Variants in ERMP1 observed in about 807,000 individuals in gnomAD.
ERMP1 encodes Felix-ina.
Under a neutral mutation model 92.0 loss-of-function variants are expected in ERMP1, and 86 were observed. The observed-to-expected ratio is 0.93, with a 90% CI of 0.79 to 1.12. The LOEUF (loss-of-function observed/expected upper bound fraction) is 1.12, where lower values mean the gene tolerates loss of function less well. Ranked by LOEUF, ERMP1 falls within the 50% of genes most tolerant of loss-of-function variation. The pLI, the probability that ERMP1 is intolerant of heterozygous loss-of-function variation, is 0.00. For missense variants in ERMP1, 1,342 were observed against 1,116.3 expected, an observed-to-expected ratio of 1.20 and a Z score of -2.88; for synonymous variants, 530 against 412.8, an observed-to-expected ratio of 1.28 and a Z score of -3.44.
At chr9:5,820,422 A>G (rs1829487470) in intron 4 of ERMP1, among the ~76,000 whole-genome samples, 1 of 152,252 alleles carries the variant, frequency 6.6e-6, no homozygotes, top group South Asian at 2.1e-4. Flanking sequence ...AGAAGAGTAT[A>G]GACTAAACTA....
chr9:5,786,506 G>A lies in ERMP1; in HGVS notation c.*638C>T, dbSNP rs1827941037. 1 of 152,606 alleles carries A rather than the reference G, an allele frequency of 6.6e-6. No homozygotes were observed. The allele number at this position is 152,606 out of a possible 1,614,324, so 9.5% of individuals were successfully genotyped here. ...GAAAGCAGCACAGCAGTGCATCTGT[G>A]TGTCCACTTGTCAGGACAGTGAGTC... On this transcript the variant is annotated 3_prime_UTR_variant, in exon 15 of 15. Coordinates refer to ENST00000339450, the MANE Select transcript of ERMP1 (RefSeq NM_024896.3).
In ERMP1 at chr9:5,833,037, C is replaced by T. The variant is rs1464136940; in HGVS notation, c.-10G>A. On this transcript the variant is annotated 5_prime_UTR_variant, in exon 1 of 15. Coordinates refer to ENST00000339450, the MANE Select transcript of ERMP1 (RefSeq NM_024896.3). ...CAGAACCCCACTCCATGGCCACGAG[C>T]CTCAGCTGCCAGCCCAACCGCCCCA... is the stretch of plus-strand genomic sequence containing the variant. 5.4e-6 allele frequency: 8 copies of T among 1,482,724 alleles called. No homozygotes were observed. The highest frequency in any genetic ancestry group is 7.1e-6 in the Non-Finnish European group (8 of 1,126,364). The allele number at this position is 1,482,724 out of a possible 1,614,324, so 91.8% of individuals were successfully genotyped here.
chr9:5,787,141 A>G lies in ERMP1; in HGVS notation c.*3T>C, dbSNP rs1827973369. ...GGCATGTACTTAGAGCTCATCCACA[A>G]GATTAAAATACAAAGAGATCGTAGG... On this transcript the variant is annotated 3_prime_UTR_variant, in exon 15 of 15. Transcript: ENST00000339450. 6 of 1,611,538 alleles carry G rather than the reference A, an allele frequency of 3.7e-6. No homozygotes were observed. In the African/African-American group the frequency reaches 4.0e-5, roughly 11 times the overall value.
rs1828558427 is a variant in ERMP1 at position 5,798,956 on chromosome 9, G to C, written c.2120C>G (p.Ser707Cys). The change falls in exon 12 of 15, where the codon TCT becomes TGT. Residue 707 changes from serine (S) to cysteine (C), a missense_variant. Coordinates refer to ENST00000339450, the MANE Select transcript of ERMP1 (RefSeq NM_024896.3). ...ATCAAACCCATTGATCCATATTCCA[G>C]AGTCCCGTTTAACTGCATTTCCTTC... ...DLEGNAVKRDSGIWINGFDYT... is the reference protein window; with the variant it reads ...DLEGNAVKRDCGIWINGFDYT... 1 of 1,613,736 alleles carries C rather than the reference G, an allele frequency of 6.2e-7. No individual in the cohort carries two copies. The highest frequency in any genetic ancestry group is 8.5e-7 in the Non-Finnish European group (1 of 1,179,722).
At chr9:5,840,707 T>C (rs1319409093) in intron 6 of ERMP1, among the ~76,000 whole-genome samples, 1 of 152,274 alleles carries the variant, frequency 6.6e-6, no homozygotes, top group Non-Finnish European at 1.5e-5. Context: ...AATTTTGTTA[T>C]GCCCGTTTCT....
intron 8 of ERMP1, among the ~76,000 whole-genome samples, chr9:5,807,799 A>T (rs1828925504): frequency 6.6e-6 from 1 of 151,940 alleles, no homozygotes; most frequent in African/African-American, 2.4e-5. Context: ...CATCTCAGCC[A>T]CCCTGACTTC....
intron 5 of ERMP1, among the ~76,000 whole-genome samples, chr9:5,864,526 G>T (rs561962832): frequency 6.6e-6 from 1 of 152,298 alleles, no homozygotes; most frequent in South Asian, 2.1e-4. Context: ...CCGTGGGGAG[G>T]GGGGCGAGCG....
intron 6 of ERMP1, chr9:5,856,170 C>T (rs955142624): frequency 3.3e-6 from 1 of 299,356 alleles, no homozygotes; most frequent in African/African-American, 2.3e-5. Flanking sequence ...ATTGGTTTGT[C>T]CTAAAGTCCT....
rs192185714 is a variant in ERMP1, at chr9:5,854,675, G to A, written n.3199+4793C>T. 8.2e-4 allele frequency among the ~76,000 whole-genome samples: 124 copies of A among 152,108 alleles called. No individual in the cohort carries two copies. The South Asian group carries it at 0.017, about 21-fold the overall frequency. On this transcript the variant is annotated intron_variant and non_coding_transcript_variant, in intron 6 of 6. Coordinates refer to the ERMP1 transcript ENST00000690753. ...CCTGTAGCTGGGACTACAGGCGTGC[G>A]TCACCATGCCTGGCTAATCTTTCAT...
intron 2 of ERMP1, among the ~76,000 whole-genome samples, chr9:5,828,776 T>C (rs1486520064): frequency 1.3e-5 from 2 of 152,096 alleles, no homozygotes; most frequent in East Asian, 1.9e-4. Context: ...CTATGAAGGG[T>C]AGAGGGGAAA....
At chr9:5,819,044 A>G (rs1829428073) in intron 4 of ERMP1, among the ~76,000 whole-genome samples, 1 of 152,246 alleles carries the variant, frequency 6.6e-6, no homozygotes, top group Non-Finnish European at 1.5e-5. Flanking sequence ...TAAATTTACT[A>G]TACATCCCAG....
At position 5,860,134 on chromosome 9, in the gene ERMP1, C is replaced by CAA. The variant is rs55876887; in HGVS notation, n.3056-525_3056-524dup. On this transcript the variant is annotated intron_variant and non_coding_transcript_variant, in intron 5 of 6. Coordinates refer to the ERMP1 transcript ENST00000690753. ...CAGTATAGTGAGACCTTGTCTCTAC[C>CAA]AAAAAAAAAAAAAAGTTTTAATTAG... Among the ~76,000 whole-genome samples the CAA allele has an allele frequency of 8.8e-3, 1,234 of 140,728 alleles. 4 individuals are homozygous for CAA. Among genetic ancestry groups the CAA allele is most frequent in the Non-Finnish European group, 0.013 (842 of 64,924 alleles). The allele number at this position is 140,728 out of a possible 152,430, so 92.3% of individuals were successfully genotyped here.
intron 6 of ERMP1, among the ~76,000 whole-genome samples, chr9:5,847,094 G>C (rs1830245949): frequency 6.6e-6 from 1 of 152,188 alleles, no homozygotes; most frequent in Non-Finnish European, 1.5e-5. Flanking sequence ...AGGGGATGGA[G>C]GGAAGAGACG....
intron 2 of ERMP1, among the ~76,000 whole-genome samples, chr9:5,829,781 T>C (rs181284129): frequency 3.3e-4 from 51 of 152,342 alleles, no homozygotes; most frequent in Admixed American, 2.8e-3. Context: ...CTGTATCAAA[T>C]GAGGGGTTCA....
At chr9:5,826,226 C>G (rs1219012083) in intron 2 of ERMP1, among the ~76,000 whole-genome samples, 1 of 152,166 alleles carries the variant, frequency 6.6e-6, no homozygotes, top group Non-Finnish European at 1.5e-5. Flanking sequence ...CTTTCCATAT[C>G]AGAAAACTTA....
Position 5,830,865 on chromosome 9 carries a change from AAG to A in ERMP1, c.500_501del (p.Ser167PhefsTer2). 6.2e-7 allele frequency: 1 copy of A among 1,614,192 alleles called. No individual in the cohort carries two copies. Among genetic ancestry groups the A allele is most frequent in the Non-Finnish European group, 8.5e-7 (1 of 1,180,022 alleles). ...ISVDVQRPTG[S>X]FSIDFLGGFT... ...AAACCTCCCAAGAAATCAATGCTAA[AAG>A]AGCCTGTGGGCCGTTGTACATCTAC... On this transcript the variant is annotated frameshift_variant, in exon 2 of 15. Coordinates refer to ENST00000339450, the MANE Select transcript of ERMP1 (RefSeq NM_024896.3). LOFTEE classifies it high-confidence loss of function.
chr9:5,797,271 G>A (rs1466317262), intron 13 of ERMP1, among the ~76,000 whole-genome samples: 1 of 151,810 alleles, frequency 6.6e-6, no homozygotes, highest in Non-Finnish European at 1.5e-5. Flanking sequence ...TGAACTCCTG[G>A]GCTCAAGCAA....
At chr9:5,788,981 A>G (rs1328106007) in intron 13 of ERMP1, among the ~76,000 whole-genome samples, 3 of 152,312 alleles carry the variant, frequency 2.0e-5, no homozygotes, top group African/African-American at 4.8e-5. Context: ...TAAGAAAATT[A>G]AAATGGGAAA....
intron 4 of ERMP1, among the ~76,000 whole-genome samples, chr9:5,815,551 T>C (rs1267656382): frequency 6.8e-6 from 1 of 146,646 alleles, no homozygotes; most frequent in African/African-American, 2.5e-5. Context: ...GAATTCCAAC[T>C]ATGACCTACA....
Sources: allele counts gnomAD v4.1 joint callset (sites outside exome capture counted in the v4.1 genomes callset), GRCh38; gene constraint gnomAD v4.1.1; transcripts MANE v1.5; gene names NCBI Gene and HGNC (gene_info 2026-07-23, HGNC 2026-07-21).